ILRUN: variants seen among roughly 807,000 people sequenced by gnomAD.
ILRUN encodes protein ILRUN.
ILRUN carries 3 observed loss-of-function variants against 33.8 expected under a neutral mutation model. That is an observed-to-expected ratio of 0.09 (90% CI 0.04 to 0.23). The LOEUF (loss-of-function observed/expected upper bound fraction) is 0.23. Among genes scored for constraint, ILRUN ranks in the 10% least tolerant of loss-of-function variants. ILRUN has a pLI of 1.00. For synonymous variants in ILRUN, 124 were observed against 138.9 expected (o/e 0.89, Z 0.75); for missense variants, 210 against 375.1 (o/e 0.56, Z 3.64).
intron 1 of ILRUN, among the ~76,000 whole-genome samples, chr6:34,663,362 G>A (rs1762928824): frequency 1.3e-5 from 2 of 152,166 alleles, no homozygotes; most frequent in Admixed American, 1.3e-4. Flanking sequence ...GGTTGAGGCT[G>A]CAGTGAGCTA....
rs559144355 is a variant in ILRUN, at chr6:34,661,867, T to A, written c.159-7088A>T. 4.6e-5 allele frequency among the ~76,000 whole-genome samples: 7 copies of A among 152,258 alleles called. No individual in the cohort carries two copies. The East Asian group carries it at 1.4e-3, about 29-fold the overall frequency. ...GAGGCCAGGCGCGGTGGCTCACGCC[T>A]GTAATCCCAGCACTTTGGGAGGCCC... is the stretch of plus-strand genomic sequence containing the variant. On this transcript the variant is annotated intron_variant, in intron 1 of 4. Coordinates refer to ENST00000374023, the MANE Select transcript of ILRUN (RefSeq NM_024294.4).
chr6:34,639,518 C>A (rs1762428312), intron 3 of ILRUN, among the ~76,000 whole-genome samples: 1 of 152,184 alleles, frequency 6.6e-6, no homozygotes, highest in African/African-American at 2.4e-5. Context: ...GCTGCTTACC[C>A]TTTGCCCAGA....
chr6:34,680,757 T>A (rs1329535071), intron 1 of ILRUN, among the ~76,000 whole-genome samples: 1 of 152,032 alleles, frequency 6.6e-6, no homozygotes, highest in East Asian at 1.9e-4. Flanking sequence ...ATTTTTATAT[T>A]TTTTTCTATT....
At chr6:34,628,675 T>A (rs1412190052) in intron 3 of ILRUN, among the ~76,000 whole-genome samples, 1 of 152,128 alleles carries the variant, frequency 6.6e-6, no homozygotes, top group African/African-American at 2.4e-5. Context: ...TAATATTTTG[T>A]TGAGGATATG....
chr6:34,666,765 G>A (rs928946779), intron 1 of ILRUN, among the ~76,000 whole-genome samples: 7 of 151,986 alleles, frequency 4.6e-5, no homozygotes, highest in African/African-American at 1.7e-4. Flanking sequence ...CACAAACAAG[G>A]GATACAACAC....
At chr6:34,659,654 A>C (rs1582087332) in intron 1 of ILRUN, among the ~76,000 whole-genome samples, 4 of 106,880 alleles carry the variant, frequency 3.7e-5, no homozygotes, top group Non-Finnish European at 5.2e-5. Context: ...ACGGAGTCTC[A>C]CTCTATCCCC....
chr6:34,597,851 C>T (rs1325087138), intron 4 of ILRUN, among the ~76,000 whole-genome samples: 1 of 152,182 alleles, frequency 6.6e-6, no homozygotes, highest in Non-Finnish European at 1.5e-5. Context: ...ACACACCCTG[C>T]CTGTGGTTGC....
intron 1 of ILRUN, among the ~76,000 whole-genome samples, chr6:34,665,002 G>GCTGT (rs1030705195): frequency 2.6e-5 from 4 of 152,118 alleles, no homozygotes; most frequent in African/African-American, 9.6e-5. Flanking sequence ...AGGGTCTTGT[G>GCTGT]CTGTCACCCA....
chr6:34,670,010 C>G lies in ILRUN; in HGVS notation c.159-15231G>C, dbSNP rs372920511. ...CACTGAAACCTCTGCCTCCCAGGTT[C>G]AAGCGATTCTCCTGCCTCAGCCTCC... On this transcript the variant is annotated intron_variant, in intron 1 of 4. Transcript: ENST00000374023. 5.7e-4 allele frequency among the ~76,000 whole-genome samples: 86 copies of G among 152,050 alleles called. 3 individuals carry two copies. The South Asian group carries it at 0.017, about 30-fold the overall frequency.
At chr6:34,633,906 AGGGAGGGAG>A (rs1478292933) in intron 3 of ILRUN, among the ~76,000 whole-genome samples, 1 of 40,416 alleles carries the variant, frequency 2.5e-5, no homozygotes, top group Non-Finnish European at 4.6e-5. Context: ...GGAGGGAGGG[AGGGAGGGAG>A]GGAGGGAATG....
chr6:34,672,243 A>C (rs1243081670), intron 1 of ILRUN, among the ~76,000 whole-genome samples: 1 of 151,892 alleles, frequency 6.6e-6, no homozygotes, highest in East Asian at 1.9e-4. Flanking sequence ...ACAGGTGTGC[A>C]CCACCACACA....
At chr6:34,682,145 T>C (rs2127384875) in intron 1 of ILRUN, among the ~76,000 whole-genome samples, 2 of 151,152 alleles carry the variant, frequency 1.3e-5, no homozygotes, top group Middle Eastern at 6.9e-3. Context: ...GTGCTGGGAT[T>C]ACAGGCATGA....
chr6:34,683,605 G>A (rs1247775984), intron 1 of ILRUN, among the ~76,000 whole-genome samples: 1 of 150,290 alleles, frequency 6.7e-6, no homozygotes, highest in African/African-American at 2.4e-5. Context: ...TGAAGAAATT[G>A]TTAGCAGTGG....
Position 34,588,349 on chromosome 6 carries a change from C to A in ILRUN, c.*2216G>T, listed in dbSNP as rs1008598531. On this transcript the variant is annotated 3_prime_UTR_variant, in exon 5 of 5. Transcript: ENST00000374023. ...CTGACGGTGGCCCATGAAGCCCCTGCTGGGAAACTGGGAAGGGGCACCCAG... is the reference window on the plus strand; with the variant it reads ...CTGACGGTGGCCCATGAAGCCCCTGATGGGAAACTGGGAAGGGGCACCCAG... 7.5e-6 allele frequency: 3 copies of A among 397,568 alleles called. No individual in the cohort carries two copies. Among genetic ancestry groups the A allele is most frequent in the Admixed American group, 4.4e-5 (1 of 22,708 alleles). The allele number at this position is 397,568 out of a possible 1,614,324, so 24.6% of individuals were successfully genotyped here. A position where few individuals can be genotyped will look rare whatever the true frequency, so the allele number is the denominator to read the frequency against.
At chr6:34,608,627 C>T (rs950707762) in intron 3 of ILRUN, among the ~76,000 whole-genome samples, 2 of 152,156 alleles carry the variant, frequency 1.3e-5, no homozygotes, top group Admixed American at 6.5e-5. Flanking sequence ...ATGGAAGCTA[C>T]AGTGTCACTA....
chr6:34,612,768 T>C (rs929628308), intron 3 of ILRUN, among the ~76,000 whole-genome samples: 6 of 151,878 alleles, frequency 4.0e-5, no homozygotes, highest in Non-Finnish European at 7.4e-5. Context: ...TTTGGCTGGG[T>C]GCAGTGGCTC....
At chr6:34,694,691 C>G (rs1475642066) in intron 1 of ILRUN, among the ~76,000 whole-genome samples, 2 of 152,044 alleles carry the variant, frequency 1.3e-5, no homozygotes, top group Admixed American at 1.3e-4. Context: ...GAAATTTAAA[C>G]CTGCTCTTGC....
At chr6:34,655,959 G>A (rs971468537) in intron 1 of ILRUN, among the ~76,000 whole-genome samples, 4 of 152,090 alleles carry the variant, frequency 2.6e-5, no homozygotes, top group Non-Finnish European at 5.9e-5. Flanking sequence ...TAAAGGCTGG[G>A]CTCAGTGGCT....
intron 1 of ILRUN, among the ~76,000 whole-genome samples, chr6:34,678,503 T>C (rs1763286270): frequency 1.3e-5 from 2 of 152,100 alleles, no homozygotes; most frequent in African/African-American, 4.8e-5. Context: ...TCATTCTGAA[T>C]TTGTTGGGTT....
Sources: allele counts gnomAD v4.1 joint callset (sites outside exome capture counted in the v4.1 genomes callset), GRCh38; gene constraint gnomAD v4.1.1; transcripts MANE v1.5; gene names NCBI Gene and HGNC (gene_info 2026-07-23, HGNC 2026-07-21).